The following EFCAB8 variants were observed in gnomAD, a reference collection of about 807,000 sequenced individuals.
The protein encoded by EFCAB8 is EF-hand calcium-binding domain-containing protein 8.
EFCAB8 carries 100 observed loss-of-function variants against 116.3 expected under a neutral mutation model. The observed-to-expected ratio is 0.86, with a 90% CI of 0.73 to 1.02. The LOEUF (loss-of-function observed/expected upper bound fraction) is 1.02. Ranked by LOEUF, EFCAB8 falls within the 50% of genes least tolerant of loss-of-function variation. The pLI is 0.00. For synonymous variants in EFCAB8, 558 were observed against 567.9 expected, an observed-to-expected ratio of 0.98 and a Z score of 0.25; for missense variants, 1,320 against 1,416.9, an observed-to-expected ratio of 0.93 and a Z score of 1.10.
In EFCAB8 at chr20:32,920,127, G is replaced by A. The variant is rs1218434667; in HGVS notation, c.2324G>A (p.Ser775Asn). ...TCCAGGCAGTCAAGCAAGATCCACA[G>A]CAAACAGTCCATTTACAAAGAGGAT... The part of the protein sequence containing the change: ...GTSRQSSKIH[S>N]KQSIYKEDET... Residue 775 changes from serine (S) to asparagine (N), a missense_variant, in exon 20 of 27, where the codon AGC (serine) becomes AAC (asparagine). Ser to Asn is a conservative substitution (Grantham distance 46). Transcript: ENST00000400522. 1.9e-6 allele frequency: 3 copies of A among 1,551,738 alleles called. No individual in the cohort carries two copies. Among genetic ancestry groups the A allele is most frequent in the East Asian group, 4.9e-5 (2 of 40,930 alleles).
At chr20:32,893,340 G>A (rs1370959449) in intron 9 of EFCAB8, 42 bp downstream of exon 9, 4 of 1,550,388 alleles carry the variant, frequency 2.6e-6, no homozygotes, top group African/African-American at 2.7e-5. Flanking sequence ...CCTGGGCATG[G>A]CCTAGATGTG....
chr20:32,874,677 G>A (rs529611235), intron 3 of EFCAB8, among the ~76,000 whole-genome samples: 3 of 152,238 alleles, frequency 2.0e-5, no homozygotes, highest in African/African-American at 7.2e-5. Flanking sequence ...AAGTAGCTGG[G>A]ATTACAGGCA....
intron 14 of EFCAB8, 102 bp from the exon 15 acceptor site, chr20:32,909,719 C>T (rs117554005): frequency 0.032 from 16,108 of 504,238 alleles, 307 homozygotes; most frequent in Non-Finnish European, 0.042. Flanking sequence ...GTGGTCAGGA[C>T]GTCTTGATGT....
intron 6 of EFCAB8, among the ~76,000 whole-genome samples, chr20:32,887,594 A>G (rs1035912303): frequency 3.3e-5 from 5 of 152,132 alleles, no homozygotes; most frequent in African/African-American, 4.8e-5. Flanking sequence ...AGAGTAAAAT[A>G]CAGATTCCTT....
chr20:32,918,720 G>A, intron 19 of EFCAB8, 146 bp downstream of exon 19: 1 of 791,596 alleles, frequency 1.3e-6, no homozygotes, highest in Non-Finnish European at 2.0e-6. Flanking sequence ...GAGCATTGTG[G>A]GCCTGGGCAG....
In EFCAB8 at chr20:32,911,653, G is replaced by A. The variant is rs1986928876; in HGVS notation, c.1731G>A (p.Trp577Ter). ...TGCGGGATGGCACAATGAAGATGTG[G>A]AACTACAACATTGGCAAATGCCTGT... is the stretch of plus-strand genomic sequence containing the variant. ...TGLRDGTMKM[W>*]NYNIGKCLLT... Residue 577 changes from tryptophan to a stop codon, truncating the protein, a stop_gained, in exon 16 of 27, where the codon TGG becomes TGA. Coordinates refer to ENST00000400522, the MANE Select transcript of EFCAB8 (RefSeq NM_001143967.2). LOFTEE classifies it high-confidence loss of function. 2 of 1,551,758 alleles carry A rather than the reference G, an allele frequency of 1.3e-6. No homozygotes were observed. The highest frequency in any genetic ancestry group is 2.4e-5 in the East Asian group (1 of 40,926).
chr20:32,936,938 A>C (rs1988142709), intron 22 of EFCAB8, among the ~76,000 whole-genome samples: 1 of 152,130 alleles, frequency 6.6e-6, no homozygotes, highest in Non-Finnish European at 1.5e-5. Flanking sequence ...CTAATTTATC[A>C]ACACAAGATA....
chr20:32,895,855 G>A (rs749603488), intron 9 of EFCAB8, among the ~76,000 whole-genome samples: 52 of 152,226 alleles, frequency 3.4e-4, no homozygotes, highest in South Asian at 8.3e-4. Context: ...ACAGGCGTGA[G>A]CCACCGTGCC....
chr20:32,881,910 C>T (rs1055375835), intron 5 of EFCAB8, among the ~76,000 whole-genome samples: 4 of 152,170 alleles, frequency 2.6e-5, no homozygotes, highest in African/African-American at 9.6e-5. Context: ...CTGTTTCTTG[C>T]TTAGAAATTA....
At chr20:32,867,552 A>G (rs1177427817) in intron 2 of EFCAB8, 30 bp from the exon 3 acceptor site, 1 of 1,542,708 alleles carries the variant, frequency 6.5e-7, no homozygotes, top group Middle Eastern at 1.7e-4. Flanking sequence ...TGAAACGCTC[A>G]GTCCCTGGTT....
In EFCAB8 at chr20:32,872,440, G is replaced by A. The variant is rs147573776; in HGVS notation, c.209-3486G>A. 5.6e-3 allele frequency among the ~76,000 whole-genome samples: 848 copies of A among 152,240 alleles called. 15 individuals carry two copies. The highest frequency in any genetic ancestry group is 0.02 in the African/African-American group (813 of 41,492). ...CCCAGCCCTGGGGCAACAGGCTCAT[G>A]CCTGCCATCCCAGAGCTCTCAGGCT... On this transcript the variant is annotated intron_variant, in intron 3 of 26. Coordinates refer to ENST00000400522, the MANE Select transcript of EFCAB8 (RefSeq NM_001143967.2).
intron 23 of EFCAB8, among the ~76,000 whole-genome samples, chr20:32,944,289 G>T (rs1397496129): frequency 6.6e-6 from 1 of 151,628 alleles, no homozygotes. Flanking sequence ...TTGTTTTAGT[G>T]ACCTGTCTCT....
rs1213013478 is a variant in EFCAB8 at position 32,911,773 on chromosome 20, C to A, written c.1785+66C>A. 16 of 1,454,246 alleles carry A rather than the reference C, an allele frequency of 1.1e-5. No individual in the cohort carries two copies. The African/African-American group carries it at 2.2e-4, about 20-fold the overall frequency. 90.1% of individuals were successfully genotyped at this position (1,454,246 alleles called of 1,614,324 possible). On this transcript the variant is annotated intron_variant, in intron 16 of 26. Coordinates refer to ENST00000400522, the MANE Select transcript of EFCAB8 (RefSeq NM_001143967.2). The stretch of plus-strand genomic sequence containing the variant: ...GGGAAGCAAAGCACAGCTCCTTTGA[C>A]CCTGGGATGCACTATTTTTTGTACC...
At chr20:32,939,897 G>A (rs1275521508) in intron 22 of EFCAB8, among the ~76,000 whole-genome samples, 1 of 147,584 alleles carries the variant, frequency 6.8e-6, no homozygotes, top group Non-Finnish European at 1.5e-5. Context: ...GTTTTGCCAT[G>A]TTGGCCAAGC....
At chr20:32,915,390 G>T (rs1987138535) in intron 17 of EFCAB8, among the ~76,000 whole-genome samples, 1 of 152,164 alleles carries the variant, frequency 6.6e-6, no homozygotes, top group South Asian at 2.1e-4. Flanking sequence ...ATATAATTCA[G>T]CAAGTTCTTT....
chr20:32,913,737 T>C (rs971174252), intron 17 of EFCAB8, among the ~76,000 whole-genome samples: 2 of 151,412 alleles, frequency 1.3e-5, no homozygotes, highest in African/African-American at 4.9e-5. Flanking sequence ...CAAAATAGAA[T>C]GGTGGGGCAG....
chr20:32,886,822 C>A (rs928547527), intron 6 of EFCAB8, among the ~76,000 whole-genome samples: 2 of 152,216 alleles, frequency 1.3e-5, no homozygotes, highest in African/African-American at 4.8e-5. Context: ...AGGAGTAGGC[C>A]TCCCAGGACC....
In EFCAB8 at chr20:32,906,796, G is replaced by A. The variant is rs778976913; in HGVS notation, c.1157-47G>A. On this transcript the variant is annotated intron_variant, in intron 12 of 26. Coordinates refer to ENST00000400522, the MANE Select transcript of EFCAB8 (RefSeq NM_001143967.2). Reference sequence around the variant, plus strand: ...GCACCACCTTCACCAGTGGGTGAAGGTCCCCAGTGGAGGCCCCTGGGACTG... The same window carrying A: ...GCACCACCTTCACCAGTGGGTGAAGATCCCCAGTGGAGGCCCCTGGGACTG... 16 of 945,696 alleles carry A rather than the reference G, an allele frequency of 1.7e-5. 1 individual carries two copies. Among genetic ancestry groups the A allele is most frequent in the Middle Eastern group, 2.7e-4 (1 of 3,700 alleles). The allele number at this position is 945,696 out of a possible 1,614,324, so 58.6% of individuals were successfully genotyped here.
intron 8 of EFCAB8, among the ~76,000 whole-genome samples, chr20:32,892,931 G>T (rs1173323940): frequency 2.0e-5 from 3 of 150,828 alleles, no homozygotes; most frequent in Non-Finnish European, 4.4e-5. Flanking sequence ...GCCTCCACCT[G>T]CCGGGTTCAA....
Sources: allele counts gnomAD v4.1 joint callset (sites outside exome capture counted in the v4.1 genomes callset), GRCh38; gene constraint gnomAD v4.1.1; transcripts MANE v1.5; gene names NCBI Gene and HGNC (gene_info 2026-07-23, HGNC 2026-07-21).